Variants in ARAP1 observed in about 807,000 individuals in gnomAD.
The protein encoded by ARAP1 is ArfGAP with RhoGAP domain, ankyrin repeat and PH domain 1, also known as arf-GAP with Rho-GAP domain, ANK repeat and PH domain-containing protein 1.
Under a neutral mutation model 172.2 loss-of-function variants are expected in ARAP1, and 76 were observed. The observed-to-expected ratio is 0.44, with a 90% CI of 0.37 to 0.53. The LOEUF (loss-of-function observed/expected upper bound fraction) is 0.53. Ranked by LOEUF, ARAP1 falls within the 20% of genes least tolerant of loss-of-function variation. The probability of loss-of-function intolerance (pLI) is 0.00; values close to 1 mark genes in which losing one functional copy is unlikely to be tolerated. For synonymous variants in ARAP1, 804 were observed against 803.3 expected, an observed-to-expected ratio of 1.00 and a Z score of -0.01; for missense variants, 1,686 against 1,977.5, an observed-to-expected ratio of 0.85 and a Z score of 2.80.
Position 72,726,633 on chromosome 11 carries a change from G to T in ARAP1, c.496C>A (p.Arg166Ser), listed in dbSNP as rs767671987. Residue 166 changes from arginine to serine, a missense_variant, in exon 3 of 35, where the codon CGC (arginine) becomes AGC (serine). Physicochemically the swap from Arg to Ser is moderately radical, Grantham distance 110 (BLOSUM62 -1). Coordinates refer to ENST00000393609, the MANE Select transcript of ARAP1 (RefSeq NM_001040118.3). This position sits in a 1 kb window ranked among gnomAD's most constrained non-coding sequence, Gnocchi z 6.5. Reference sequence around the variant, plus strand: ...GCATCCACTCACCTCACCAGCAGGCGGGGGGGTCCGGTGCGGGGCGGCACG... The same window carrying T: ...GCATCCACTCACCTCACCAGCAGGCTGGGGGGTCCGGTGCGGGGCGGCACG... The part of the protein sequence containing the change: ...PPVPPRTGPP[R>S]LLVSLPTKEE... 6.6e-6 allele frequency: 10 copies of T among 1,513,168 alleles called. No individual in the cohort carries two copies. In the Admixed American group the frequency reaches 9.9e-5, roughly 15 times the overall value. The allele number at this position is 1,513,168 out of a possible 1,614,324, so 93.7% of individuals were successfully genotyped here.
At position 72,688,493 on chromosome 11, in the gene ARAP1, G is replaced by C. The variant is rs1312474469; in HGVS notation, c.4032C>G (p.Val1344=). The part of the protein sequence containing the change: ...EKEWPIKSLK[V]YLGVKKKLRP... ...TGAGTTTCTTCTTCACTCCCAGGTA[G>C]ACTTTGAGACTCTTAATAGGCCACT... The change falls in exon 31 of 35, where the codon GTC becomes GTG. Residue 1344 remains valine (V), a synonymous_variant. Transcript: ENST00000393609. The C allele has an allele frequency of 6.2e-7, 1 of 1,612,708 alleles. No individual in the cohort carries two copies. The highest frequency in any genetic ancestry group is 1.3e-5 in the African/African-American group (1 of 74,860).
rs1325999704 is a variant in ARAP1 at position 72,714,271 on chromosome 11, G to A, written c.560C>T (p.Pro187Leu). The change falls in exon 4 of 35, where the codon CCC becomes CTC. Residue 187 changes from proline to leucine, a missense_variant. Pro to Leu is a moderately conservative substitution (Grantham distance 98). Coordinates refer to ENST00000393609, the MANE Select transcript of ARAP1 (RefSeq NM_001040118.3). ...ESLLPSLSSP[P>L]QPQSEEPLST... The stretch of plus-strand genomic sequence containing the variant: ...CAGGGGCTCCTCAGACTGTGGCTGG[G>A]GAGGGGATGATAATGATGGCAGCAA... 2 of 1,543,440 alleles carry A rather than the reference G, an allele frequency of 1.3e-6. No homozygotes were observed. The highest frequency in any genetic ancestry group is 1.4e-5 in the African/African-American group (1 of 72,376).
intron 30 of ARAP1, among the ~76,000 whole-genome samples, chr11:72,691,827 T>A (rs1005398328): frequency 7.2e-5 from 11 of 152,140 alleles, no homozygotes; most frequent in African/African-American, 2.7e-4. Context: ...ACCAGTTCTG[T>A]GGACAACAAT....
At chr11:72,707,648 G>A (rs1314690021) in intron 11 of ARAP1, among the ~76,000 whole-genome samples, 4 of 152,262 alleles carry the variant, frequency 2.6e-5, no homozygotes, top group East Asian at 3.9e-4. Context: ...GCTAAGATTC[G>A]ACAGATCAGA....
intron 7 of ARAP1, 103 bp from the exon 8 acceptor site, chr11:72,711,602 G>A (rs1432677497): frequency 7.3e-6 from 7 of 960,060 alleles, no homozygotes; most frequent in Non-Finnish European, 9.7e-6. Context: ...GGATCAGCCA[G>A]GTTCTAGGGA....
At chr11:72,697,297 G>C in intron 21 of ARAP1, 26 bp downstream of exon 21, 2 of 1,575,374 alleles carry the variant, frequency 1.3e-6, no homozygotes, top group Non-Finnish European at 1.7e-6. Flanking sequence ...GAGGGGCGGG[G>C]CTGGCACCCT....
intron 30 of ARAP1, among the ~76,000 whole-genome samples, chr11:72,689,911 T>C (rs1855867139): frequency 6.6e-6 from 1 of 152,016 alleles, no homozygotes; most frequent in Non-Finnish European, 1.5e-5. Context: ...AAGAAACCTG[T>C]AGGCACACAC....
In ARAP1 at chr11:72,699,329, T is replaced by C; in HGVS notation, c.2438+88A>G. ...TTGCTGTGTGACTCTGCGGAGGTCCTCCCCTTCTCTGGGTCTATTTCCCTG... is the reference window on the plus strand; with the variant it reads ...TTGCTGTGTGACTCTGCGGAGGTCCCCCCCTTCTCTGGGTCTATTTCCCTG... On this transcript the variant is annotated intron_variant, in intron 17 of 34. Coordinates refer to ENST00000393609, the MANE Select transcript of ARAP1 (RefSeq NM_001040118.3). This position sits in a 1 kb window ranked among gnomAD's most constrained non-coding sequence, Gnocchi z 4.2. The C allele has an allele frequency of 6.3e-7, 1 of 1,579,246 alleles. No homozygotes were observed. The highest frequency in any genetic ancestry group is 2.3e-5 in the East Asian group (1 of 44,340).
chr11:72,733,657 C>T (rs777581646), intron 1 of ARAP1, among the ~76,000 whole-genome samples: 15 of 152,196 alleles, frequency 9.9e-5, no homozygotes, highest in Non-Finnish European at 1.6e-4. Context: ...TCTGCCAACA[C>T]TAGGGTTAAC....
At position 72,693,136 on chromosome 11, in the gene ARAP1, G is replaced by C; in HGVS notation, c.3954+189C>G. 4.6e-6 allele frequency: 4 copies of C among 874,414 alleles called. No individual in the cohort carries two copies. Among genetic ancestry groups the C allele is most frequent in the Admixed American group, 2.8e-5 (1 of 36,014 alleles). The allele number at this position is 874,414 out of a possible 1,614,324, so 54.2% of individuals were successfully genotyped here. A position where few individuals can be genotyped will look rare whatever the true frequency, so the allele number is the denominator to read the frequency against. ...GGTGCCAGGGCTTAGTGGGGCTACA[G>C]GGCACACTAGAGTGGCCGTCCAGGG... On this transcript the variant is annotated intron_variant, in intron 29 of 34. Coordinates refer to ENST00000393609, the MANE Select transcript of ARAP1 (RefSeq NM_001040118.3). The surrounding 1 kb of genome is among the most constrained non-coding windows in gnomAD (Gnocchi z 4.6).
In ARAP1 at chr11:72,695,506, CAGGTCCA is replaced by C; in HGVS notation, c.3507+29_3507+35del. ...GGGCCTAGGAAATGGGTGCAGGTGGCAGGTCCAAGCCCCCCACCCAGGCTCCAGCCTT... is the reference window on the plus strand; with the variant it reads ...GGGCCTAGGAAATGGGTGCAGGTGGCAGCCCCCCACCCAGGCTCCAGCCTT... On this transcript the variant is annotated intron_variant, in intron 25 of 34. Coordinates refer to ENST00000393609, the MANE Select transcript of ARAP1 (RefSeq NM_001040118.3). This position sits in a 1 kb window ranked among gnomAD's most constrained non-coding sequence, Gnocchi z 4.4. 1 of 1,614,120 alleles carries C rather than the reference CAGGTCCA, an allele frequency of 6.2e-7. No homozygotes were observed. The highest frequency in any genetic ancestry group is 8.5e-7 in the Non-Finnish European group (1 of 1,180,002).
chr11:72,718,462 T>G (rs1857376058), intron 3 of ARAP1, among the ~76,000 whole-genome samples: 1 of 151,678 alleles, frequency 6.6e-6, no homozygotes, highest in African/African-American at 2.4e-5. Context: ...CTTCACACAG[T>G]TTCATCCTCC....
intron 2 of ARAP1, 69 bp from the exon 3 acceptor site, chr11:72,727,241 G>A: frequency 7.6e-7 from 1 of 1,307,420 alleles, no homozygotes; most frequent in Non-Finnish European, 1.0e-6. Flanking sequence ...CCAGCAGCCT[G>A]CATGGCTCTC....
Position 72,707,577 on chromosome 11 carries a change from C to T in ARAP1, c.1524-203G>A, listed in dbSNP as rs183602096. On this transcript the variant is annotated intron_variant, in intron 11 of 34. Transcript: ENST00000393609. ...CAAGAGCGTATGGGGGCAGGGGAGC[C>T]CAGTGGGGGGCTCTGCCCAGCCCGC... 2.6e-5 allele frequency among the ~76,000 whole-genome samples: 4 copies of T among 152,238 alleles called. No homozygotes were observed. The East Asian group carries it at 7.7e-4, about 29-fold the overall frequency.
rs1430851618 is a variant in ARAP1, at chr11:72,685,671, T to G, written c.4346A>C (p.Asn1449Thr). Reference sequence around the variant, plus strand: ...AAGGATGGGCTCCTGTGCTCAGACGTTGCGCAGAAGCTGCAGGAAGGCAAG... The same window carrying G: ...AAGGATGGGCTCCTGTGCTCAGACGGTGCGCAGAAGCTGCAGGAAGGCAAG... ...FTADPLSLLR[N>T]V is the part of the protein sequence containing the mutation. Residue 1449 changes from asparagine (N) to threonine (T), a missense_variant, in exon 35 of 35, where the codon AAC becomes ACC. Physicochemically the swap from Asn to Thr is moderately conservative, Grantham distance 65. Coordinates refer to ENST00000393609, the MANE Select transcript of ARAP1 (RefSeq NM_001040118.3). 6.2e-7 allele frequency: 1 copy of G among 1,613,890 alleles called. No homozygotes were observed. The highest frequency in any genetic ancestry group is 1.3e-5 in the African/African-American group (1 of 74,932).
At chr11:72,697,885 T>TG in intron 19 of ARAP1, 26 bp downstream of exon 19, 1 of 1,542,636 alleles carries the variant, frequency 6.5e-7, no homozygotes, top group Non-Finnish European at 8.8e-7. Context: ...CCCTGGAGGC[T>TG]GGGGGCCCAG....
rs1857700232 is a variant in ARAP1, at chr11:72,726,617, C to T, written c.509+3G>A. 1.3e-6 allele frequency: 2 copies of T among 1,502,164 alleles called. No individual in the cohort carries two copies. Among genetic ancestry groups the T allele is most frequent in the Non-Finnish European group, 1.8e-6 (2 of 1,124,208 alleles). 93.1% of individuals were successfully genotyped at this position (1,502,164 alleles called of 1,614,324 possible). A position where few individuals can be genotyped will look rare whatever the true frequency, so the allele number is the denominator to read the frequency against. On this transcript the variant is annotated splice_donor_region_variant and intron_variant, in intron 3 of 34. Coordinates refer to ENST00000393609, the MANE Select transcript of ARAP1 (RefSeq NM_001040118.3). This position sits in a 1 kb window ranked among gnomAD's most constrained non-coding sequence, Gnocchi z 6.5. ...CCTCCCACCCTGGGTGGCATCCACT[C>T]ACCTCACCAGCAGGCGGGGGGGTCC...
intron 1 of ARAP1, among the ~76,000 whole-genome samples, chr11:72,742,613 T>C (rs541831863): frequency 6.6e-6 from 1 of 152,228 alleles, no homozygotes; most frequent in South Asian, 2.1e-4. Flanking sequence ...ATCCTTACTG[T>C]CCAGACAACA....
Position 72,695,864 on chromosome 11 carries a change from C to T in ARAP1, c.3274G>A (p.Val1092Ile), listed in dbSNP as rs1856165433. 1 of 1,610,668 alleles carries T rather than the reference C, an allele frequency of 6.2e-7. No homozygotes were observed. The highest frequency in any genetic ancestry group is 8.5e-7 in the Non-Finnish European group (1 of 1,178,268). The change falls in exon 24 of 35, where the codon GTT (valine) becomes ATT (isoleucine). Residue 1092 changes from valine (V) to isoleucine (I), a missense_variant and splice_region_variant. By Grantham distance (29) the Val-to-Ile change is conservative. This residue lies in a region of ARAP1 where 379 missense variants were observed against 500.1 expected (regional missense o/e 0.76). Coordinates refer to ENST00000393609, the MANE Select transcript of ARAP1 (RefSeq NM_001040118.3). The surrounding 1 kb of genome is among the most constrained non-coding windows in gnomAD (Gnocchi z 4.4). ...VKALISHLYC[V>I]QCFSDTNQMN... The stretch of plus-strand genomic sequence containing the variant: ...TGGTTCGTGTCTGAGAAGCACTGAA[C>T]ACTGGAGAGGGGAGGAGGAGGGCTT...
Sources: gnomAD v4.1 joint callset for allele counts (sites outside exome capture counted in the v4.1 genomes callset) on GRCh38, gnomAD v4.1.1 for gene constraint, gnomAD v4.1.1 regional missense constraint, Gnocchi (gnomAD v3.1) non-coding constraint, MANE v1.5 for transcripts, NCBI Gene and HGNC (gene_info 2026-07-23, HGNC 2026-07-21) for gene names.